Variants in CSMD1 observed in about 807,000 individuals in gnomAD.
CSMD1 encodes CUB and Sushi multiple domains 1.
CSMD1 carries 213 observed loss-of-function variants against 417.5 expected under a neutral mutation model. The ratio of observed to expected loss-of-function variants is 0.51; its 90% confidence interval spans 0.46 to 0.57. The LOEUF (loss-of-function observed/expected upper bound fraction) is 0.57, where lower values mean the gene tolerates loss of function less well. Ranked by LOEUF, CSMD1 falls within the 20% of genes least tolerant of loss-of-function variation. The pLI is 0.00. For synonymous variants in CSMD1, 2,862 were observed against 1,736.8 expected, an observed-to-expected ratio of 1.65 and a Z score of -16.11; for missense variants, 6,923 against 4,529.7, an observed-to-expected ratio of 1.53 and a Z score of -15.17.
chr8:4,318,174 T>G (rs550651976), intron 3 of CSMD1, among the ~76,000 whole-genome samples: 1 of 152,258 alleles, frequency 6.6e-6, no homozygotes, highest in African/African-American at 2.4e-5. Flanking sequence ...ATATTGTTAC[T>G]ATCCTTCTAT....
In CSMD1 at chr8:2,995,446, G is replaced by C. The variant is rs182408247; in HGVS notation, c.8377+2565C>G. Among the ~76,000 whole-genome samples the C allele has an allele frequency of 1.5e-4, 23 of 152,324 alleles. No homozygotes were observed. In the East Asian group the frequency reaches 4.3e-3, roughly 28 times the overall value. ...CTTCATCGCCCACACATGTTGGGTA[G>C]GGATGACAAATAGTACCGCCATGCT... On this transcript the variant is annotated intron_variant, in intron 54 of 69. Transcript: ENST00000635120.
At chr8:4,472,314 A>G (rs2130061161) in intron 2 of CSMD1, among the ~76,000 whole-genome samples, 1 of 152,264 alleles carries the variant, frequency 6.6e-6, no homozygotes, top group East Asian at 1.9e-4. Flanking sequence ...TTTACTTGAC[A>G]ACTTACCAAT....
intron 3 of CSMD1, among the ~76,000 whole-genome samples, chr8:4,226,320 G>C (rs1191327988): frequency 5.3e-5 from 8 of 152,192 alleles, no homozygotes; most frequent in South Asian, 4.2e-4. Flanking sequence ...AAGAATTAGA[G>C]ACCATCAAAT....
At chr8:3,917,564 A>G (rs1808914706) in intron 5 of CSMD1, among the ~76,000 whole-genome samples, 1 of 151,996 alleles carries the variant, frequency 6.6e-6, no homozygotes, top group Non-Finnish European at 1.5e-5. Context: ...TTGAAACTGC[A>G]AAATATTTGC....
At chr8:3,835,425 G>A (rs1278048235) in intron 5 of CSMD1, among the ~76,000 whole-genome samples, 1 of 151,934 alleles carries the variant, frequency 6.6e-6, no homozygotes, top group Non-Finnish European at 1.5e-5. Context: ...GTAGGGACAT[G>A]GATGAAAGTG....
chr8:3,708,282 A>G (rs942569446), intron 7 of CSMD1, 132 bp downstream of exon 7: 1 of 692,334 alleles, frequency 1.4e-6, no homozygotes, highest in African/African-American at 1.8e-5. Context: ...CCCAGAAAAT[A>G]CTTTTGGATA....
rs1397176329 is a variant in CSMD1 at position 3,272,245 on chromosome 8, A to G, written c.4153+11899T>C. ...TGTCAAAGATCAGATAGTTGTAGAT[A>G]TGCGGCGTTATTTCTGAGGGCTCTG... is the stretch of plus-strand genomic sequence containing the variant. On this transcript the variant is annotated intron_variant, in intron 26 of 69. Coordinates refer to ENST00000635120, the MANE Select transcript of CSMD1 (RefSeq NM_033225.6). 1.4e-5 allele frequency among the ~76,000 whole-genome samples: 2 copies of G among 144,486 alleles called. 1 individual carries two copies. The highest frequency in any genetic ancestry group is 4.5e-4 in the South Asian group (2 of 4,396). 94.8% of individuals were successfully genotyped at this position (144,486 alleles called of 152,430 possible).
chr8:3,971,905 T>C (rs1813117560), intron 5 of CSMD1, among the ~76,000 whole-genome samples: 1 of 152,204 alleles, frequency 6.6e-6, no homozygotes, highest in Non-Finnish European at 1.5e-5. Context: ...GACTTTTTTG[T>C]TCTTGTTTGT....
intron 3 of CSMD1, among the ~76,000 whole-genome samples, chr8:4,406,534 A>C (rs144351729): frequency 2.0e-3 from 304 of 152,304 alleles, no homozygotes; most frequent in Non-Finnish European, 3.6e-3. Flanking sequence ...CATTCTAAGA[A>C]GTTTGAGGAG....
intron 6 of CSMD1, among the ~76,000 whole-genome samples, chr8:3,743,172 A>C (rs565365888): frequency 1.3e-5 from 2 of 152,042 alleles, no homozygotes; most frequent in East Asian, 3.9e-4. Flanking sequence ...GCATCTCTCT[A>C]CTGTGCTACA....
At chr8:4,501,916 G>A (rs936445878) in intron 2 of CSMD1, among the ~76,000 whole-genome samples, 1 of 152,104 alleles carries the variant, frequency 6.6e-6, no homozygotes, top group Non-Finnish European at 1.5e-5. Flanking sequence ...TCTACTGGGG[G>A]TTTTGGAACA....
At chr8:4,984,297 C>T (rs547436861) in intron 1 of CSMD1, among the ~76,000 whole-genome samples, 12 of 152,160 alleles carry the variant, frequency 7.9e-5, no homozygotes, top group African/African-American at 1.7e-4. Flanking sequence ...CATATGACCC[C>T]TTGGCTGCAT....
chr8:3,393,848 G>C (rs559224026), intron 17 of CSMD1, among the ~76,000 whole-genome samples: 4 of 151,290 alleles, frequency 2.6e-5, no homozygotes, highest in Admixed American at 2.6e-4. Flanking sequence ...GTGGGGTGTG[G>C]GGAGGGGGCA....
At chr8:3,347,177 C>T (rs112102289) in intron 22 of CSMD1, among the ~76,000 whole-genome samples, 1 of 152,208 alleles carries the variant, frequency 6.6e-6, no homozygotes, top group Admixed American at 6.5e-5. Flanking sequence ...GCCTGTGGGC[C>T]GCGGGTTGGA....
rs139678205 is a variant in CSMD1, at chr8:4,453,737, A to C, written c.303-33672T>G. Among the ~76,000 whole-genome samples, 42 of 148,546 alleles carry C rather than the reference A, an allele frequency of 2.8e-4. No individual in the cohort carries two copies. In the East Asian group the frequency reaches 8.2e-3, roughly 29 times the overall value. On this transcript the variant is annotated intron_variant, in intron 2 of 69. Transcript: ENST00000635120. ...TCACAGCGGGCTTAACCATCCCCAAACGTAATTCCGGGTCCCCATTTGAGC... is the reference window on the plus strand; with the variant it reads ...TCACAGCGGGCTTAACCATCCCCAACCGTAATTCCGGGTCCCCATTTGAGC...
intron 11 of CSMD1, among the ~76,000 whole-genome samples, chr8:3,476,689 G>A (rs188081926): frequency 3.4e-4 from 51 of 152,002 alleles, no homozygotes; most frequent in Non-Finnish European, 5.7e-4. Context: ...AGGCCAAGGC[G>A]GGCAGATTAC....
intron 5 of CSMD1, among the ~76,000 whole-genome samples, chr8:3,775,622 C>G: frequency 6.6e-6 from 1 of 152,148 alleles, no homozygotes; most frequent in East Asian, 1.9e-4. Flanking sequence ...ATTGTTGGGA[C>G]TCATGTGCTC....
intron 1 of CSMD1, among the ~76,000 whole-genome samples, chr8:4,700,197 T>A (rs142789105): frequency 6.6e-6 from 1 of 152,036 alleles, no homozygotes; most frequent in African/African-American, 2.4e-5. Flanking sequence ...AATCTTGAAA[T>A]CTTAGAAAAA....
chr8:3,109,149 C>T, intron 43 of CSMD1, among the ~76,000 whole-genome samples: 1 of 152,200 alleles, frequency 6.6e-6, no homozygotes, highest in East Asian at 1.9e-4. Context: ...CTTGTAGTCC[C>T]AGCTACTCGG....
Sources: gnomAD v4.1 joint callset for allele counts (sites outside exome capture counted in the v4.1 genomes callset) on GRCh38, gnomAD v4.1.1 for gene constraint, MANE v1.5 for transcripts, NCBI Gene and HGNC (gene_info 2026-07-23, HGNC 2026-07-21) for gene names.